Variants in LARGE1 observed in about 807,000 individuals in gnomAD.
The protein encoded by LARGE1 is LARGE xylosyl- and glucuronyltransferase 1.
A neutral mutation model predicts 87.6 loss-of-function variants in LARGE1; 43 were observed. That is an observed-to-expected ratio of 0.49 (90% CI 0.38 to 0.63). The LOEUF (loss-of-function observed/expected upper bound fraction) is 0.63. LARGE1 is among the 30% of genes least tolerant of loss of function. The probability of loss-of-function intolerance (pLI) is 0.00; values close to 1 mark genes in which losing one functional copy is unlikely to be tolerated. For synonymous variants in LARGE1, 434 were observed against 394.6 expected, an observed-to-expected ratio of 1.10 and a Z score of -1.18; for missense variants, 802 against 1,000.2, an observed-to-expected ratio of 0.80 and a Z score of 2.67.
At chr22:33,451,836 C>T (rs1019982844) in intron 6 of LARGE1, among the ~76,000 whole-genome samples, 15 of 151,894 alleles carry the variant, frequency 9.9e-5, no homozygotes, top group African/African-American at 2.7e-4. Context: ...GGATTACAGG[C>T]GTGAGCCACC....
chr22:33,559,748 G>A (rs1281658889), intron 6 of LARGE1, among the ~76,000 whole-genome samples: 1 of 151,876 alleles, frequency 6.6e-6, no homozygotes, highest in African/African-American at 2.4e-5. Context: ...GAGTCTCTGG[G>A]TAGAGCTCTT....
intron 3 of LARGE1, among the ~76,000 whole-genome samples, chr22:33,638,903 G>A (rs1213170173): frequency 6.6e-6 from 1 of 152,208 alleles, no homozygotes; most frequent in Non-Finnish European, 1.5e-5. Context: ...GGCATCAGAG[G>A]ATAACATTCA....
chr22:33,430,970 G>A (rs1204369445), intron 7 of LARGE1, among the ~76,000 whole-genome samples: 1 of 152,192 alleles, frequency 6.6e-6, no homozygotes, highest in Non-Finnish European at 1.5e-5. Flanking sequence ...TGTCCCCAGA[G>A]CCAGACACCT....
intron 5 of LARGE1, among the ~76,000 whole-genome samples, chr22:33,565,311 G>T (rs1410953048): frequency 6.6e-6 from 1 of 151,942 alleles, no homozygotes. Context: ...TGTTATTATA[G>T]AAATTAAATA....
At chr22:33,763,135 T>G (rs1259539917) in intron 1 of LARGE1, among the ~76,000 whole-genome samples, 1 of 152,230 alleles carries the variant, frequency 6.6e-6, no homozygotes, top group Non-Finnish European at 1.5e-5. Flanking sequence ...CTTGCATTCT[T>G]TAAAACTTAG....
chr22:33,231,163 C>T (rs956304042), intron 11 of LARGE1, among the ~76,000 whole-genome samples: 2 of 152,152 alleles, frequency 1.3e-5, no homozygotes, highest in Admixed American at 1.3e-4. Context: ...TGTGCTAAAC[C>T]ACTGTTGACA....
chr22:33,488,536 G>A (rs2069686944), intron 6 of LARGE1, among the ~76,000 whole-genome samples: 1 of 152,142 alleles, frequency 6.6e-6, no homozygotes, highest in South Asian at 2.1e-4. Context: ...TATTTGGATG[G>A]TTTTACAGGA....
chr22:33,428,944 A>G lies in LARGE1; in HGVS notation c.892+3217T>C, dbSNP rs1288480335. Among the ~76,000 whole-genome samples the G allele has an allele frequency of 3.9e-3, 176 of 45,108 alleles. No homozygotes were observed. In the African/African-American group the frequency reaches 0.047, roughly 12 times the overall value. 29.6% of individuals were successfully genotyped at this position (45,108 alleles called of 152,430 possible). ...GACTCTGTCTCAAAAAAAAAGAAAC[A>G]AAAAAAAAAAAAAAAAAGGAGAGAA... is the stretch of plus-strand genomic sequence containing the variant. On this transcript the variant is annotated intron_variant, in intron 7 of 14. Transcript: ENST00000397394.
In LARGE1 at chr22:33,897,699, C is replaced by T. The variant is rs1269025507; in HGVS notation, c.-83+22296G>A. On this transcript the variant is annotated intron_variant, in intron 1 of 14. Coordinates refer to ENST00000397394, the MANE Select transcript of LARGE1 (RefSeq NM_133642.5). ...GGCCATTATCAAATCTCTTCAGTGA[C>T]AAAGCTCCGTGTTGAAGGGGACAAA... 2.6e-5 allele frequency among the ~76,000 whole-genome samples: 4 copies of T among 152,304 alleles called. No homozygotes were observed. The East Asian group carries it at 7.7e-4, about 29-fold the overall frequency.
intron 2 of LARGE1, among the ~76,000 whole-genome samples, chr22:33,651,389 CAAAAAA>C (rs59002897): frequency 9.2e-5 from 5 of 54,328 alleles, no homozygotes; most frequent in East Asian, 6.0e-4. Context: ...GACTCCGTCT[CAAAAAA>C]AAAAAAAAAA....
At chr22:33,484,395 T>A (rs1471870459) in intron 6 of LARGE1, among the ~76,000 whole-genome samples, 2 of 152,214 alleles carry the variant, frequency 1.3e-5, no homozygotes, top group African/African-American at 4.8e-5. Context: ...AATCTTACTG[T>A]GAATCATACT....
chr22:33,425,441 A>C (rs140092393), intron 7 of LARGE1, among the ~76,000 whole-genome samples: 1 of 152,168 alleles, frequency 6.6e-6, no homozygotes, highest in Non-Finnish European at 1.5e-5. Context: ...ACTGTGAGAA[A>C]TGTTTGTAGT....
At chr22:33,252,562 T>A (rs1927060470) in intron 11 of LARGE1, among the ~76,000 whole-genome samples, 1 of 152,336 alleles carries the variant, frequency 6.6e-6, no homozygotes, top group East Asian at 1.9e-4. Context: ...TTCTACCATT[T>A]ATAGTTAGGA....
chr22:33,856,257 T>C (rs1568990128), intron 1 of LARGE1, among the ~76,000 whole-genome samples: 1 of 152,130 alleles, frequency 6.6e-6, no homozygotes, highest in Non-Finnish European at 1.5e-5. Context: ...TCTGGAAATG[T>C]TCTCCACCCA....
chr22:33,427,237 T>C (rs1400177296), intron 7 of LARGE1, among the ~76,000 whole-genome samples: 1 of 152,174 alleles, frequency 6.6e-6, no homozygotes, highest in Non-Finnish European at 1.5e-5. Context: ...CCCGTTTCTG[T>C]GCAAGACTGT....
intron 11 of LARGE1, among the ~76,000 whole-genome samples, chr22:33,208,490 G>A (rs897607977): frequency 2.6e-5 from 4 of 152,154 alleles, no homozygotes; most frequent in African/African-American, 9.7e-5. Context: ...TCCCAGTGTA[G>A]TAGCCATTGG....
At chr22:33,688,492 C>G (rs1042290882) in intron 2 of LARGE1, among the ~76,000 whole-genome samples, 2 of 152,152 alleles carry the variant, frequency 1.3e-5, no homozygotes, top group African/African-American at 4.8e-5. Context: ...GCTGGGATTA[C>G]AGGCATGCAC....
At chr22:33,519,235 CGTGTGTGTGT>C (rs3071590) in intron 6 of LARGE1, among the ~76,000 whole-genome samples, 9 of 149,544 alleles carry the variant, frequency 6.0e-5, no homozygotes, top group East Asian at 2.0e-4. Flanking sequence ...CGTGCGCGCG[CGTGTGTGTGT>C]GTGTGTGTGT....
At position 33,368,675 on chromosome 22, in the gene LARGE1, T is replaced by C. The variant is rs112959644; in HGVS notation, c.1131+13244A>G. Among the ~76,000 whole-genome samples, 3 of 152,130 alleles carry C rather than the reference T, an allele frequency of 2.0e-5. No homozygotes were observed. In the South Asian group the frequency reaches 6.2e-4, roughly 31 times the overall value. On this transcript the variant is annotated intron_variant, in intron 9 of 14. Coordinates refer to ENST00000397394, the MANE Select transcript of LARGE1 (RefSeq NM_133642.5). ...TTGTGTATATGTATTTGGACAGATA[T>C]ATATACAGGCATAACTTGGAGATAT...
Sources: gnomAD v4.1 joint callset for allele counts (sites outside exome capture counted in the v4.1 genomes callset) on GRCh38, gnomAD v4.1.1 for gene constraint, MANE v1.5 for transcripts, NCBI Gene and HGNC (gene_info 2026-07-23, HGNC 2026-07-21) for gene names.